Variants in SPDL1 observed in about 807,000 individuals in gnomAD.
SPDL1 encodes protein Spindly.
SPDL1 carries 85 observed loss-of-function variants against 79.5 expected under a neutral mutation model. That is an observed-to-expected ratio of 1.07 (90% CI 0.90 to 1.28). The LOEUF is 1.28. SPDL1 is among the 50% of genes most tolerant of loss of function. The pLI, the probability that SPDL1 is intolerant of heterozygous loss-of-function variation, is 0.00. For missense variants in SPDL1, 703 were observed against 697.8 expected (o/e 1.01, Z -0.08); for synonymous variants, 269 against 240.3 (o/e 1.12, Z -1.10).
At chr5:169,594,758 C>G (rs1018124616) in intron 7 of SPDL1, 77 bp downstream of exon 7, 2 of 883,722 alleles carry the variant, frequency 2.3e-6, no homozygotes, top group African/African-American at 3.4e-5. Context: ...ATCAAAGAAA[C>G]TAGCTTTTTC....
chr5:169,602,952 CCTTG>C (rs1756010010), intron 11 of SPDL1, among the ~76,000 whole-genome samples: 1 of 152,144 alleles, frequency 6.6e-6, no homozygotes, highest in African/African-American at 2.4e-5. Flanking sequence ...TAAGTGCCAG[CCTTG>C]CTATCTGTAT....
Position 169,594,287 on chromosome 5 carries a change from C to A in SPDL1, c.674C>A (p.Ala225Asp). ...REKEAVSYYNALEKARVANQD... is the reference protein window; with the variant it reads ...REKEAVSYYNDLEKARVANQD... ...AAAGAAGCAGTTTCTTACTATAATG[C>A]CCTAGAGGTACTATGATTACAGTAA... The change falls in exon 5 of 12, where the codon GCC becomes GAC. Residue 225 changes from alanine (A) to aspartate (D), a missense_variant. Physicochemically the swap from Ala to Asp is moderately radical, Grantham distance 126 (BLOSUM62 -2). Transcript: ENST00000265295. The A allele has an allele frequency of 6.2e-7, 1 of 1,613,676 alleles. No individual in the cohort carries two copies. Among genetic ancestry groups the A allele is most frequent in the Non-Finnish European group, 8.5e-7 (1 of 1,179,760 alleles).
chr5:169,585,216 G>A lies in SPDL1; in HGVS notation c.-24+1327G>A, dbSNP rs1465196052. Among the ~76,000 whole-genome samples, 3 of 152,078 alleles carry A rather than the reference G, an allele frequency of 2.0e-5. No homozygotes were observed. In the East Asian group the frequency reaches 5.8e-4, roughly 29 times the overall value. On this transcript the variant is annotated intron_variant, in intron 1 of 11. Transcript: ENST00000265295. ...CTTCTACGCGCTGCCCCCCAGATTA[G>A]GACAGCTCCCCCTTGTTACAGGCTC...
chr5:169,584,366 T>C (rs1754867979), intron 1 of SPDL1, among the ~76,000 whole-genome samples: 1 of 152,210 alleles, frequency 6.6e-6, no homozygotes, highest in African/African-American at 2.4e-5. Flanking sequence ...TGATGGCTCC[T>C]AGAACATTTA....
At chr5:169,601,738 A>G (rs1415660159) in intron 11 of SPDL1, 113 bp downstream of exon 11, 29 of 998,086 alleles carry the variant, frequency 2.9e-5, no homozygotes, top group Non-Finnish European at 4.0e-5. Flanking sequence ...TGCATGCAGT[A>G]TAATTCCTCA....
intron 1 of SPDL1, among the ~76,000 whole-genome samples, chr5:169,585,223 T>C (rs1754930902): frequency 6.6e-6 from 1 of 152,116 alleles, no homozygotes; most frequent in South Asian, 2.1e-4. Flanking sequence ...TTAGGACAGC[T>C]CCCCCTTGTT....
chr5:169,585,087 A>G (rs1199861781), intron 1 of SPDL1, among the ~76,000 whole-genome samples: 1 of 152,136 alleles, frequency 6.6e-6, no homozygotes, highest in African/African-American at 2.4e-5. Context: ...TTTTTAATCA[A>G]CCACGGCTAT....
chr5:169,586,677 T>C (rs1409555116), intron 1 of SPDL1, among the ~76,000 whole-genome samples: 1 of 152,226 alleles, frequency 6.6e-6, no homozygotes, highest in Non-Finnish European at 1.5e-5. Context: ...TTTCCCTTTT[T>C]CACACATCCC....
chr5:169,592,468 G>T (rs1373414455), intron 3 of SPDL1, among the ~76,000 whole-genome samples: 1 of 152,072 alleles, frequency 6.6e-6, no homozygotes, highest in Non-Finnish European at 1.5e-5. Context: ...GCCCACTTCA[G>T]CCTCGCAAAG....
chr5:169,588,475 G>T lies in SPDL1; in HGVS notation c.59G>T (p.Arg20Leu). The T allele has an allele frequency of 6.2e-7, 1 of 1,613,748 alleles. No homozygotes were observed. Among genetic ancestry groups the T allele is most frequent in the Non-Finnish European group, 8.5e-7 (1 of 1,179,838 alleles). ...RCRLKEAEEE[R>L]LKAAQYGLQL... ...AGGCTCAAAGAGGCTGAAGAAGAGCGACTAAAAGCTGCACAGTATGGTTTA... is the reference window on the plus strand; with the variant it reads ...AGGCTCAAAGAGGCTGAAGAAGAGCTACTAAAAGCTGCACAGTATGGTTTA... The change falls in exon 2 of 12, where the codon CGA (arginine) becomes CTA (leucine). Residue 20 changes from arginine to leucine, a missense_variant. By Grantham distance (102) the Arg-to-Leu change is moderately radical (BLOSUM62 -2). Coordinates refer to ENST00000265295, the MANE Select transcript of SPDL1 (RefSeq NM_017785.5).
At chr5:169,585,016 CA>C (rs11415643) in intron 1 of SPDL1, among the ~76,000 whole-genome samples, 54 of 138,238 alleles carry the variant, frequency 3.9e-4, no homozygotes, top group Admixed American at 5.1e-4. Context: ...GACTCCGTCT[CA>C]AAAAAAAAAA....
At chr5:169,586,828 A>G (rs1282327457) in intron 1 of SPDL1, among the ~76,000 whole-genome samples, 2 of 152,276 alleles carry the variant, frequency 1.3e-5, no homozygotes, top group South Asian at 4.1e-4. Flanking sequence ...CCCCTTCTAA[A>G]CTAGTCAACA....
rs1435126562 is a variant in SPDL1 at position 169,601,440 on chromosome 5, A to G, written c.1485A>G (p.Glu495=). ...EETQSCPNSL[E]DNNLQLEKSV... ...CACAGTCCTGCCCTAACAGTTTAGA[A>G]GATAACAACTTGCAATTAGAAAAAT... The change falls in exon 11 of 12, where the codon GAA becomes GAG. Residue 495 remains glutamate (E), a synonymous_variant. Coordinates refer to ENST00000265295, the MANE Select transcript of SPDL1 (RefSeq NM_017785.5). The G allele has an allele frequency of 6.2e-7, 1 of 1,614,076 alleles. No homozygotes were observed. Among genetic ancestry groups the G allele is most frequent in the African/African-American group, 1.3e-5 (1 of 74,928 alleles).
rs751344075 is a variant in SPDL1, at chr5:169,583,824, C to G, written c.-89C>G. ...CCGGCGACTGTGGAGTTAGCGTCCT[C>G]AATGTGGACGCCCTGAGCTCCCATT... On this transcript the variant is annotated 5_prime_UTR_variant, in exon 1 of 12. Transcript: ENST00000265295. 1 of 152,318 alleles carries G rather than the reference C, an allele frequency of 6.6e-6. No homozygotes were observed. Among genetic ancestry groups the G allele is most frequent in the African/African-American group, 2.4e-5 (1 of 41,476 alleles). The allele number at this position is 152,318 out of a possible 1,614,324, so 9.4% of individuals were successfully genotyped here.
intron 1 of SPDL1, among the ~76,000 whole-genome samples, chr5:169,586,959 C>G (rs961308665): frequency 2.0e-5 from 3 of 152,182 alleles, no homozygotes; most frequent in Non-Finnish European, 4.4e-5. Context: ...TGCCCACTCT[C>G]TACTATCTCT....
intron 1 of SPDL1, chr5:169,586,135 A>G (rs756007663): frequency 2.0e-5 from 3 of 152,238 alleles, no homozygotes; most frequent in Non-Finnish European, 2.9e-5. Flanking sequence ...TGTGCTTGCT[A>G]TCTTTATCTC....
At chr5:169,587,356 G>A (rs1312718316) in intron 1 of SPDL1, 1 of 152,156 alleles carries the variant, frequency 6.6e-6, no homozygotes, top group Non-Finnish European at 1.5e-5. Flanking sequence ...ATGACCTGGT[G>A]CCCTTTGAAG....
intron 2 of SPDL1, 137 bp from the exon 3 acceptor site, chr5:169,590,911 G>A: frequency 2.5e-6 from 2 of 796,144 alleles, no homozygotes; most frequent in Non-Finnish European, 4.2e-6. Context: ...AGTTATTCCA[G>A]GTTTAACATG....
chr5:169,603,768 C>T (rs1484687061), intron 11 of SPDL1, among the ~76,000 whole-genome samples: 5 of 152,054 alleles, frequency 3.3e-5, no homozygotes, highest in Admixed American at 1.3e-4. Flanking sequence ...GCAGGAGAAT[C>T]GCTTGAACCC....
Sources: allele counts gnomAD v4.1 joint callset (sites outside exome capture counted in the v4.1 genomes callset), GRCh38; gene constraint gnomAD v4.1.1; transcripts MANE v1.5; gene names NCBI Gene and HGNC (gene_info 2026-07-23, HGNC 2026-07-21).